RBFOX1: variants seen among roughly 807,000 people sequenced by gnomAD.
The protein encoded by RBFOX1 is RNA binding fox-1 homolog 1.
In RBFOX1, 8 loss-of-function variants were observed where a neutral mutation model predicts 57.7. The observed-to-expected ratio is 0.14, with a 90% CI of 0.08 to 0.25. The LOEUF (loss-of-function observed/expected upper bound fraction) is 0.25. RBFOX1 is among the 10% of genes least tolerant of loss of function. RBFOX1 has a pLI of 1.00. For synonymous variants in RBFOX1, 326 were observed against 222.4 expected, an observed-to-expected ratio of 1.47 and a Z score of -4.15; for missense variants, 611 against 548.5, an observed-to-expected ratio of 1.11 and a Z score of -1.14.
At chr16:6,269,307 T>A (rs1599009773) in intron 1 of RBFOX1, among the ~76,000 whole-genome samples, 1 of 152,320 alleles carries the variant, frequency 6.6e-6, no homozygotes, top group East Asian at 1.9e-4. Context: ...TTTTGGAATA[T>A]TTTTGATGTG....
At chr16:6,619,212 C>T (rs557193469) in intron 2 of RBFOX1, among the ~76,000 whole-genome samples, 1 of 152,116 alleles carries the variant, frequency 6.6e-6, no homozygotes, top group Non-Finnish European at 1.5e-5. Context: ...TCTGTCCCCC[C>T]CTTAAACAGT....
chr16:6,792,764 C>T (rs552934266), intron 3 of RBFOX1, among the ~76,000 whole-genome samples: 1 of 152,294 alleles, frequency 6.6e-6, no homozygotes, highest in East Asian at 1.9e-4. Context: ...GGCATGGTGG[C>T]TCACGCCTGT....
intron 2 of RBFOX1, among the ~76,000 whole-genome samples, chr16:6,626,313 A>T (rs1043422876): frequency 6.6e-6 from 1 of 152,274 alleles, no homozygotes; most frequent in East Asian, 1.9e-4. Flanking sequence ...CAGGTCACCC[A>T]TGAACCTAGA....
chr16:6,506,624 ATTTTTTTTTTT>A lies in RBFOX1; in HGVS notation c.-63-147948_-63-147938del, dbSNP rs71145238. ...ACGGTAATAACAATCACAGTAGCTA[ATTTTTTTTTTT>A]TTTTTTTTTTTTTTTTTTTTTTTTT... On this transcript the variant is annotated intron_variant, in intron 2 of 15. Coordinates refer to ENST00000550418, the MANE Select transcript of RBFOX1 (RefSeq NM_018723.4). Among the ~76,000 whole-genome samples, 69 of 98,458 alleles carry A rather than the reference ATTTTTTTTTTT, an allele frequency of 7.0e-4. 5 individuals carry two copies. The highest frequency in any genetic ancestry group is 5.4e-3 in the South Asian group (15 of 2,788). 64.6% of individuals were successfully genotyped at this position (98,458 alleles called of 152,430 possible).
At chr16:5,579,909 G>C (rs1373840003) in intron 2 of RBFOX1, among the ~76,000 whole-genome samples, 4 of 151,942 alleles carry the variant, frequency 2.6e-5, no homozygotes, top group Non-Finnish European at 5.9e-5. Flanking sequence ...ACAGGTGCCT[G>C]CCACCACGCC....
chr16:7,296,457 C>A (rs188381047), intron 4 of RBFOX1, among the ~76,000 whole-genome samples: 18 of 151,912 alleles, frequency 1.2e-4, no homozygotes, highest in Admixed American at 2.6e-4. Flanking sequence ...TCATTGAGGG[C>A]TAGGGGATAA....
intron 3 of RBFOX1, among the ~76,000 whole-genome samples, chr16:6,767,611 T>G (rs2154208524): frequency 6.6e-6 from 1 of 152,176 alleles, no homozygotes; most frequent in African/African-American, 2.4e-5. Flanking sequence ...CCCAAAGAAC[T>G]CATCCCTAAG....
chr16:5,240,954 G>A (rs563046590), intron 1 of RBFOX1, among the ~76,000 whole-genome samples: 1 of 152,336 alleles, frequency 6.6e-6, no homozygotes, highest in South Asian at 2.1e-4. Flanking sequence ...AGTGAGGGCC[G>A]CCACCTTGAT....
At chr16:7,194,267 C>G (rs1467160668) in intron 4 of RBFOX1, among the ~76,000 whole-genome samples, 1 of 152,192 alleles carries the variant, frequency 6.6e-6, no homozygotes, top group South Asian at 2.1e-4. Flanking sequence ...TGTGATTGCA[C>G]TGTATTTATT....
intron 1 of RBFOX1, among the ~76,000 whole-genome samples, chr16:5,343,429 C>G (rs1228507439): frequency 6.6e-6 from 1 of 151,532 alleles, no homozygotes; most frequent in African/African-American, 2.4e-5. Context: ...ATTCTCCTGC[C>G]TCAGCCTCTT....
At chr16:7,406,402 C>T (rs768519108) in intron 4 of RBFOX1, among the ~76,000 whole-genome samples, 12 of 152,174 alleles carry the variant, frequency 7.9e-5, no homozygotes, top group Non-Finnish European at 1.5e-4. Context: ...TACCTGGCTA[C>T]TACGTATGGG....
At chr16:6,864,621 A>G (rs1264507412) in intron 3 of RBFOX1, among the ~76,000 whole-genome samples, 1 of 151,724 alleles carries the variant, frequency 6.6e-6, no homozygotes, top group Admixed American at 6.6e-5. Context: ...ATATTTGAGA[A>G]TCAAGGATCT....
intron 3 of RBFOX1, among the ~76,000 whole-genome samples, chr16:6,807,705 A>C (rs1307820363): frequency 6.6e-6 from 1 of 152,004 alleles, no homozygotes; most frequent in Non-Finnish European, 1.5e-5. Flanking sequence ...AATCGGAGCT[A>C]CTCGGGAGGC....
intron 4 of RBFOX1, among the ~76,000 whole-genome samples, chr16:7,242,430 A>G (rs770934446): frequency 5.9e-5 from 9 of 152,190 alleles, no homozygotes; most frequent in Non-Finnish European, 1.2e-4. Context: ...TAGTTCTTTT[A>G]TGTTTGAAAT....
intron 1 of RBFOX1, chr16:5,366,392 A>G (rs1011089692): frequency 2.3e-6 from 1 of 431,174 alleles, no homozygotes; most frequent in African/African-American, 2.1e-5. Context: ...GAAGAAATAT[A>G]TATGAGATAC....
chr16:7,615,411 T>C (rs186331022), intron 10 of RBFOX1, among the ~76,000 whole-genome samples: 1 of 152,310 alleles, frequency 6.6e-6, no homozygotes, highest in African/African-American at 2.4e-5. Context: ...AGAGTTCATG[T>C]TGAGAACTTT....
rs368864472 is a variant in RBFOX1, at chr16:6,234,930, C to T, written c.-126-82065C>T. 4.6e-5 allele frequency among the ~76,000 whole-genome samples: 7 copies of T among 152,202 alleles called. 1 individual carries two copies. Among genetic ancestry groups the T allele is most frequent in the African/African-American group, 1.7e-4 (7 of 41,528 alleles). Reference sequence around the variant, plus strand: ...TTGGTTACAGGTTTGGAAAATGTTTCCATTGGGGGAAACTGGGTAAATTGT... The same window carrying T: ...TTGGTTACAGGTTTGGAAAATGTTTTCATTGGGGGAAACTGGGTAAATTGT... On this transcript the variant is annotated intron_variant, in intron 1 of 15. Coordinates refer to ENST00000550418, the MANE Select transcript of RBFOX1 (RefSeq NM_018723.4).
chr16:7,453,931 G>A (rs9922253), intron 4 of RBFOX1, among the ~76,000 whole-genome samples: 60,198 of 151,820 alleles, frequency 0.4, 12,209 homozygotes, highest in Non-Finnish European at 0.45. Context: ...TCTGGTAGGG[G>A]GATTAAGAAA....
At chr16:7,369,786 A>G (rs367726112) in intron 4 of RBFOX1, among the ~76,000 whole-genome samples, 3 of 152,184 alleles carry the variant, frequency 2.0e-5, no homozygotes, top group African/African-American at 7.2e-5. Context: ...GTAAATAATA[A>G]TAATAATTGC....
Sources: gnomAD v4.1 joint callset for allele counts (sites outside exome capture counted in the v4.1 genomes callset) on GRCh38, gnomAD v4.1.1 for gene constraint, MANE v1.5 for transcripts, NCBI Gene and HGNC (gene_info 2026-07-23, HGNC 2026-07-21) for gene names.